Variants in DPF3 observed in about 807,000 individuals in gnomAD.
DPF3 encodes the protein zinc finger protein DPF3.
In DPF3, 18 loss-of-function variants were observed where a neutral mutation model predicts 56.8. The observed-to-expected ratio is 0.32, with a 90% CI of 0.22 to 0.47. The LOEUF (loss-of-function observed/expected upper bound fraction) is 0.47. DPF3 is among the 20% of genes least tolerant of loss of function. The pLI is 1.00. For missense variants in DPF3, 403 were observed against 488.8 expected (o/e 0.82, Z 1.65); for synonymous variants, 188 against 180.2 (o/e 1.04, Z -0.35).
intron 9 of DPF3, among the ~76,000 whole-genome samples, chr14:72,628,988 G>A (rs1388928865): frequency 6.6e-6 from 1 of 152,194 alleles, no homozygotes; most frequent in Non-Finnish European, 1.5e-5. Context: ...TAATTGCAAT[G>A]TATGGGCCTT....
intron 2 of DPF3, among the ~76,000 whole-genome samples, chr14:72,766,316 A>G (rs1891285559): frequency 6.6e-6 from 1 of 152,224 alleles, no homozygotes; most frequent in Non-Finnish European, 1.5e-5. Flanking sequence ...AACAGACATA[A>G]GAAATAACTG....
intron 4 of DPF3, among the ~76,000 whole-genome samples, chr14:72,724,716 T>G (rs1364272906): frequency 2.0e-5 from 3 of 147,374 alleles, no homozygotes; most frequent in Non-Finnish European, 3.0e-5. Context: ...TGTTTGTTTT[T>G]TTTTTTTTCT....
intron 1 of DPF3, among the ~76,000 whole-genome samples, chr14:72,773,436 A>G (rs1421799586): frequency 6.6e-6 from 1 of 152,136 alleles, no homozygotes; most frequent in Non-Finnish European, 1.5e-5. Flanking sequence ...GCCTGGCCTC[A>G]ATTTCTTAAT....
chr14:72,801,533 A>G (rs1013785477), intron 1 of DPF3, among the ~76,000 whole-genome samples: 2 of 152,234 alleles, frequency 1.3e-5, no homozygotes, highest in Admixed American at 6.5e-5. Context: ...GCAATTGCTT[A>G]GAAAACTGCA....
chr14:72,842,204 C>T (rs1049772035), intron 1 of DPF3, among the ~76,000 whole-genome samples: 14 of 151,706 alleles, frequency 9.2e-5, no homozygotes, highest in African/African-American at 3.4e-4. Flanking sequence ...CTCTACTGAA[C>T]ATACGCCTGC....
intron 1 of DPF3, among the ~76,000 whole-genome samples, chr14:72,776,086 G>A (rs1891733082): frequency 6.6e-6 from 1 of 152,050 alleles, no homozygotes; most frequent in Non-Finnish European, 1.5e-5. Flanking sequence ...GGCAGCAAAT[G>A]ACTCATCTGT....
chr14:72,771,998 C>T lies in DPF3; in HGVS notation c.33-105G>A, dbSNP rs537639347. The stretch of plus-strand genomic sequence containing the variant: ...ACACCTCCCTGGAAAGACTGAAGAC[C>T]TCCCAGTTATGAAGACCAAGGCAAT... On this transcript the variant is annotated intron_variant, in intron 1 of 10. Coordinates refer to ENST00000556509, the MANE Select transcript of DPF3 (RefSeq NM_001280542.3). 9.5e-6 allele frequency: 12 copies of T among 1,258,608 alleles called. No individual in the cohort carries two copies. In the South Asian group the frequency reaches 2.6e-4, roughly 27 times the overall value. 78.0% of individuals were successfully genotyped at this position (1,258,608 alleles called of 1,614,324 possible).
At chr14:72,801,012 T>C (rs1892870879) in intron 1 of DPF3, among the ~76,000 whole-genome samples, 1 of 152,202 alleles carries the variant, frequency 6.6e-6, no homozygotes, top group African/African-American at 2.4e-5. Context: ...TGGGTAGCAC[T>C]CACCCTGTAG....
chr14:72,730,685 C>A (rs1175817814), intron 4 of DPF3, among the ~76,000 whole-genome samples: 1 of 150,606 alleles, frequency 6.6e-6, no homozygotes, highest in Admixed American at 6.6e-5. Flanking sequence ...TAAATATGCA[C>A]AATAGGTATA....
At chr14:72,665,323 C>T (rs892052173) in intron 8 of DPF3, among the ~76,000 whole-genome samples, 1 of 152,220 alleles carries the variant, frequency 6.6e-6, no homozygotes, top group Non-Finnish European at 1.5e-5. Flanking sequence ...CAGTCACACG[C>T]ATACTGTTAT....
At chr14:72,715,615 T>C (rs959942811) in intron 5 of DPF3, among the ~76,000 whole-genome samples, 19 of 151,836 alleles carry the variant, frequency 1.3e-4, no homozygotes, top group African/African-American at 4.4e-4. Context: ...CCTTGGATAC[T>C]CTCACACACA....
intron 3 of DPF3, among the ~76,000 whole-genome samples, chr14:72,749,047 G>A (rs1890444730): frequency 6.6e-6 from 1 of 152,228 alleles, no homozygotes; most frequent in South Asian, 2.1e-4. Flanking sequence ...CCATCTTCCA[G>A]ATCCCAGAAT....
At chr14:72,883,839 A>C (rs1886409670) in intron 1 of DPF3, among the ~76,000 whole-genome samples, 1 of 151,002 alleles carries the variant, frequency 6.6e-6, no homozygotes, top group African/African-American at 2.4e-5. Context: ...GAAGTACAAG[A>C]TCACTTGAAC....
chr14:72,850,964 C>G (rs768517457), intron 1 of DPF3, among the ~76,000 whole-genome samples: 13 of 152,194 alleles, frequency 8.5e-5, no homozygotes, highest in Non-Finnish European at 1.6e-4. Context: ...GTCCCACTGC[C>G]CCATCTAAAG....
intron 8 of DPF3, among the ~76,000 whole-genome samples, chr14:72,645,800 C>T (rs1253085826): frequency 6.6e-6 from 1 of 151,852 alleles, no homozygotes; most frequent in African/African-American, 2.4e-5. Context: ...ACACCCCCCA[C>T]CCCCCAAAAA....
chr14:72,863,097 T>C (rs1404780449), intron 1 of DPF3, among the ~76,000 whole-genome samples: 1 of 141,870 alleles, frequency 7.0e-6, no homozygotes, highest in Non-Finnish European at 1.5e-5. Context: ...TATATATATA[T>C]ATATGTGTGT....
intron 2 of DPF3, among the ~76,000 whole-genome samples, chr14:72,764,712 C>T (rs1441756911): frequency 6.6e-5 from 10 of 151,896 alleles, no homozygotes; most frequent in African/African-American, 2.2e-4. Flanking sequence ...AGGATGGTCT[C>T]GATCTTCTGA....
At chr14:72,675,265 G>A (rs374663522) in intron 7 of DPF3, among the ~76,000 whole-genome samples, 2 of 152,220 alleles carry the variant, frequency 1.3e-5, no homozygotes, top group Admixed American at 6.5e-5. Flanking sequence ...TCCATTTCCA[G>A]GGGCTGCTTG....
chr14:72,836,847 C>T (rs1470694269), intron 1 of DPF3, among the ~76,000 whole-genome samples: 1 of 151,998 alleles, frequency 6.6e-6, no homozygotes, highest in Non-Finnish European at 1.5e-5. Context: ...ATCCAATCAC[C>T]TTTACTTAAT....
Sources: allele counts gnomAD v4.1 joint callset (sites outside exome capture counted in the v4.1 genomes callset), GRCh38; gene constraint gnomAD v4.1.1; transcripts MANE v1.5; gene names NCBI Gene and HGNC (gene_info 2026-07-23, HGNC 2026-07-21).